The following STK10 variants were observed in gnomAD, a reference collection of about 807,000 sequenced individuals.
STK10 encodes serine/threonine-protein kinase 10.
In STK10, 78 loss-of-function variants were observed where a neutral mutation model predicts 113.8. The observed-to-expected ratio is 0.69, with a 90% CI of 0.57 to 0.83. STK10 has a LOEUF of 0.83. Among genes scored for constraint, STK10 ranks in the 40% least tolerant of loss-of-function variants. STK10 has a pLI of 0.00. For synonymous variants in STK10, 465 were observed against 494.7 expected (o/e 0.94, Z 0.80); for missense variants, 1,109 against 1,280.1 (o/e 0.87, Z 2.04).
chr5:172,135,487 G>A (rs984887235), intron 2 of STK10, among the ~76,000 whole-genome samples: 17 of 151,308 alleles, frequency 1.1e-4, no homozygotes, highest in Admixed American at 2.0e-4. Context: ...ACTCCAGCCT[G>A]GGAGACAGAG....
intron 3 of STK10, among the ~76,000 whole-genome samples, chr5:172,125,658 T>C (rs1222984059): frequency 6.6e-6 from 1 of 152,232 alleles, no homozygotes; most frequent in Non-Finnish European, 1.5e-5. Flanking sequence ...GTGCTGGGAC[T>C]ACAGGCGTGA....
chr5:172,174,080 G>T (rs1489227179), intron 1 of STK10, among the ~76,000 whole-genome samples: 4 of 144,206 alleles, frequency 2.8e-5, no homozygotes, highest in African/African-American at 1.0e-4. Context: ...TAACCACAAT[G>T]CGGGGCCTGT....
At chr5:172,072,368 G>A (rs1768207312) in intron 12 of STK10, among the ~76,000 whole-genome samples, 2 of 152,210 alleles carry the variant, frequency 1.3e-5, no homozygotes, top group Admixed American at 6.5e-5. Flanking sequence ...CCGGGTTCAT[G>A]CCATTCTCCT....
chr5:172,131,189 A>G (rs1265588557), intron 2 of STK10, among the ~76,000 whole-genome samples: 2 of 151,914 alleles, frequency 1.3e-5, no homozygotes, highest in African/African-American at 4.8e-5. Context: ...GCCCGCCACC[A>G]CATCCGGCTA....
At chr5:172,152,910 A>G (rs1181201488) in intron 2 of STK10, among the ~76,000 whole-genome samples, 5 of 152,224 alleles carry the variant, frequency 3.3e-5, no homozygotes, top group South Asian at 2.1e-4. Context: ...ATTTTTATAC[A>G]CTGGGTTAAA....
intron 15 of STK10, 43 bp downstream of exon 15, chr5:172,057,306 G>T (rs541087850): frequency 1.9e-6 from 3 of 1,565,640 alleles, no homozygotes; most frequent in South Asian, 1.2e-5. Context: ...CTCCCAGGTC[G>T]GCCCGGCAGC....
intron 1 of STK10, among the ~76,000 whole-genome samples, chr5:172,157,850 C>T (rs575179822): frequency 7.2e-6 from 1 of 139,168 alleles, no homozygotes; most frequent in Non-Finnish European, 1.5e-5. Flanking sequence ...CTCGGCCTCC[C>T]AAAGTGTTGG....
intron 10 of STK10, among the ~76,000 whole-genome samples, chr5:172,088,440 C>T (rs1768618773): frequency 6.6e-6 from 1 of 152,154 alleles, no homozygotes; most frequent in Non-Finnish European, 1.5e-5. Context: ...AAGAGAATCG[C>T]TTGAACCCGG....
chr5:172,047,745 G>C (rs1212762899), intron 18 of STK10, among the ~76,000 whole-genome samples: 2 of 152,186 alleles, frequency 1.3e-5, no homozygotes, highest in Non-Finnish European at 2.9e-5. Flanking sequence ...GTGGGCATGA[G>C]ATTAAGAGTA....
intron 3 of STK10, among the ~76,000 whole-genome samples, chr5:172,123,000 A>C (rs1478340309): frequency 2.0e-5 from 3 of 152,216 alleles, no homozygotes; most frequent in African/African-American, 7.2e-5. Flanking sequence ...TGGATGTTAC[A>C]TAGAATGGCC....
intron 10 of STK10, among the ~76,000 whole-genome samples, chr5:172,087,624 T>TTTATTA (rs201053673): frequency 2.3e-5 from 2 of 88,810 alleles, no homozygotes; most frequent in African/African-American, 1.3e-4. Context: ...TACTTATTTA[T>TTTATTA]TTTTTTTTTT....
At chr5:172,140,240 T>C (rs1383825137) in intron 2 of STK10, among the ~76,000 whole-genome samples, 1 of 152,184 alleles carries the variant, frequency 6.6e-6, no homozygotes, top group Non-Finnish European at 1.5e-5. Context: ...CAGTGAGATA[T>C]GTATCATCTT....
intron 2 of STK10, among the ~76,000 whole-genome samples, chr5:172,146,973 C>A (rs1291102923): frequency 6.6e-6 from 1 of 152,230 alleles, no homozygotes; most frequent in Non-Finnish European, 1.5e-5. Flanking sequence ...CCCTCCACCC[C>A]ACATACCAGT....
intron 4 of STK10, among the ~76,000 whole-genome samples, chr5:172,116,293 G>A (rs921172958): frequency 6.6e-6 from 1 of 151,896 alleles, no homozygotes; most frequent in African/African-American, 2.4e-5. Context: ...TGTTGGCCAG[G>A]CTGGTCCTGA....
intron 7 of STK10, among the ~76,000 whole-genome samples, chr5:172,098,558 A>C (rs1768907640): frequency 6.6e-6 from 1 of 152,212 alleles, no homozygotes; most frequent in African/African-American, 2.4e-5. Flanking sequence ...CTCACAAGCC[A>C]CCAACAGGCT....
intron 3 of STK10, among the ~76,000 whole-genome samples, chr5:172,126,128 C>A (rs77148038): frequency 0.014 from 2,140 of 152,316 alleles, 45 homozygotes; most frequent in African/African-American, 0.048. Context: ...CTCTCCTCAG[C>A]CTCTCTGCAC....
chr5:172,050,050 GC>G (rs1361639077), intron 18 of STK10, among the ~76,000 whole-genome samples: 7 of 152,150 alleles, frequency 4.6e-5, no homozygotes, highest in South Asian at 4.1e-4. Flanking sequence ...TGATCCACCC[GC>G]CTTGGCCTCC....
chr5:172,062,103 G>A (rs1249104815), intron 13 of STK10, among the ~76,000 whole-genome samples: 4 of 151,224 alleles, frequency 2.6e-5, no homozygotes, highest in Admixed American at 2.0e-4. Flanking sequence ...TCAGCTTCCT[G>A]AGTAGCTGGG....
intron 1 of STK10, among the ~76,000 whole-genome samples, chr5:172,181,479 T>C (rs933560157): frequency 6.9e-6 from 1 of 145,572 alleles, no homozygotes; most frequent in Admixed American, 6.7e-5. Flanking sequence ...TTATTTAATT[T>C]ATTTTAATTT....
Sources: gnomAD v4.1 joint callset for allele counts (sites outside exome capture counted in the v4.1 genomes callset) on GRCh38, gnomAD v4.1.1 for gene constraint, MANE v1.5 for transcripts, NCBI Gene and HGNC (gene_info 2026-07-23, HGNC 2026-07-21) for gene names.